Variants in OLA1 observed in about 807,000 individuals in gnomAD.
The protein encoded by OLA1 is Obg like ATPase 1.
A neutral mutation model predicts 48.4 loss-of-function variants in OLA1; 14 were observed. The ratio of observed to expected loss-of-function variants is 0.29; its 90% CI spans 0.19 to 0.45. The LOEUF is 0.45. Ranked by LOEUF, OLA1 falls within the 20% of genes least tolerant of loss-of-function variation. OLA1 has a pLI of 1.00. For missense variants in OLA1, 325 were observed against 467.1 expected (o/e 0.70, Z 2.80); for synonymous variants, 127 against 150.4 (o/e 0.84, Z 1.14).
intron 4 of OLA1, among the ~76,000 whole-genome samples, chr2:174,193,805 T>C (rs1226653608): frequency 6.6e-6 from 1 of 152,148 alleles, no homozygotes; most frequent in Non-Finnish European, 1.5e-5. Flanking sequence ...AGCTGTTAAT[T>C]ATTATTAGAA....
chr2:174,147,035 C>G (rs1686617557), intron 4 of OLA1, among the ~76,000 whole-genome samples: 1 of 152,144 alleles, frequency 6.6e-6, no homozygotes, highest in African/African-American at 2.4e-5. Flanking sequence ...GGTCAACCAA[C>G]TGACACCACA....
chr2:174,169,748 A>T (rs1687251558), intron 4 of OLA1, among the ~76,000 whole-genome samples: 1 of 152,248 alleles, frequency 6.6e-6, no homozygotes, highest in African/African-American at 2.4e-5. Context: ...AAAATGGCAG[A>T]TATCTTAGTA....
chr2:174,075,654 T>C, intron 10 of OLA1, 127 bp from the exon 11 acceptor site: 1 of 619,388 alleles, frequency 1.6e-6, no homozygotes, highest in Non-Finnish European at 2.8e-6. Flanking sequence ...AAATGAAATA[T>C]AGGAAGGCAT....
intron 4 of OLA1, among the ~76,000 whole-genome samples, chr2:174,212,711 C>CT (rs1688270951): frequency 6.6e-6 from 1 of 151,476 alleles, no homozygotes; most frequent in Non-Finnish European, 1.5e-5. Context: ...ATTTTTAAAC[C>CT]TTTTTGTTAA....
rs910323280 is a variant in OLA1, at chr2:174,200,002, T to TA, written c.373+23030dup. Among the ~76,000 whole-genome samples the TA allele has an allele frequency of 9.8e-4, 146 of 149,558 alleles. 1 individual carries two copies. Among genetic ancestry groups the TA allele is most frequent in the African/African-American group, 3.4e-3 (137 of 40,700 alleles). On this transcript the variant is annotated intron_variant, in intron 4 of 10. Transcript: ENST00000284719. Reference sequence around the variant, plus strand: ...ATGCTGGACATTAAAGAAATTTATTTAAAAAAAAAAGCAATCCCTCTTGGT... The same window carrying TA: ...ATGCTGGACATTAAAGAAATTTATTTAAAAAAAAAAAGCAATCCCTCTTGGT...
chr2:174,122,249 A>ATT (rs1216339566), intron 7 of OLA1, among the ~76,000 whole-genome samples: 2 of 152,164 alleles, frequency 1.3e-5, no homozygotes, highest in East Asian at 3.8e-4. Context: ...ATTTCACAGA[A>ATT]TTTATTCTAA....
At chr2:174,193,503 T>C (rs1184848440) in intron 4 of OLA1, among the ~76,000 whole-genome samples, 2 of 152,188 alleles carry the variant, frequency 1.3e-5, no homozygotes, top group Non-Finnish European at 2.9e-5. Context: ...TCCTCTTGTG[T>C]GCAACAGTAG....
At chr2:174,215,546 G>C (rs184873744) in intron 4 of OLA1, among the ~76,000 whole-genome samples, 4 of 151,850 alleles carry the variant, frequency 2.6e-5, no homozygotes, top group Admixed American at 2.6e-4. Flanking sequence ...ATGTAGCCTA[G>C]AAATATGGAA....
At chr2:174,232,861 A>G (rs1400359868) in intron 2 of OLA1, among the ~76,000 whole-genome samples, 2 of 152,226 alleles carry the variant, frequency 1.3e-5, no homozygotes, top group Admixed American at 1.3e-4. Flanking sequence ...TTCTGGGTAT[A>G]TATCCAAAAG....
chr2:174,134,733 C>T (rs1382731873), intron 5 of OLA1, among the ~76,000 whole-genome samples: 2 of 152,106 alleles, frequency 1.3e-5, no homozygotes, highest in African/African-American at 2.4e-5. Flanking sequence ...TATAAATGTA[C>T]TTAATGCTAG....
At chr2:174,144,941 A>ATATAT (rs1188016243) in intron 4 of OLA1, among the ~76,000 whole-genome samples, 39 of 64,278 alleles carry the variant, frequency 6.1e-4, no homozygotes, top group South Asian at 2.6e-3. Context: ...AAAAAAAAAA[A>ATATAT]AAAAAAAAAA....
intron 4 of OLA1, among the ~76,000 whole-genome samples, chr2:174,175,938 A>G (rs1288503519): frequency 2.0e-5 from 3 of 152,074 alleles, no homozygotes; most frequent in African/African-American, 7.2e-5. Flanking sequence ...AAACAGAAAA[A>G]ACTACATACT....
intron 7 of OLA1, among the ~76,000 whole-genome samples, chr2:174,120,466 G>C (rs1685889546): frequency 6.6e-6 from 1 of 152,084 alleles, no homozygotes; most frequent in African/African-American, 2.4e-5. Flanking sequence ...AATAAAAAAT[G>C]GTTTGTGGAT....
At chr2:174,133,413 T>G (rs1428974127) in intron 5 of OLA1, among the ~76,000 whole-genome samples, 1 of 152,150 alleles carries the variant, frequency 6.6e-6, no homozygotes, top group East Asian at 1.9e-4. Flanking sequence ...CAGGCTGGAG[T>G]GCAGTGGCGC....
chr2:174,217,101 T>C (rs1243626780), intron 4 of OLA1, among the ~76,000 whole-genome samples: 3 of 152,210 alleles, frequency 2.0e-5, no homozygotes, highest in African/African-American at 4.8e-5. Context: ...TAACAAATTC[T>C]GTAACTGAAA....
At chr2:174,117,388 A>C (rs894375030) in intron 7 of OLA1, among the ~76,000 whole-genome samples, 1 of 152,210 alleles carries the variant, frequency 6.6e-6, no homozygotes, top group Non-Finnish European at 1.5e-5. Flanking sequence ...TAAAGACCAT[A>C]GCACTTGTAT....
At chr2:174,226,941 T>A (rs1175151582) in intron 3 of OLA1, among the ~76,000 whole-genome samples, 1 of 151,882 alleles carries the variant, frequency 6.6e-6, no homozygotes, top group Admixed American at 6.6e-5. Context: ...AATTTAAAAA[T>A]TAGCCAGGCA....
chr2:174,100,021 G>A (rs1685355147), intron 7 of OLA1, among the ~76,000 whole-genome samples: 1 of 152,098 alleles, frequency 6.6e-6, no homozygotes, highest in South Asian at 2.1e-4. Flanking sequence ...GTGTTGGCTG[G>A]GGTTAAGACA....
At chr2:174,105,801 C>G (rs1458880350) in intron 7 of OLA1, among the ~76,000 whole-genome samples, 1 of 151,952 alleles carries the variant, frequency 6.6e-6, no homozygotes, top group Non-Finnish European at 1.5e-5. Context: ...TTGCAAAGGA[C>G]TGTTTTTAAA....
Sources: allele counts gnomAD v4.1 joint callset (sites outside exome capture counted in the v4.1 genomes callset), GRCh38; gene constraint gnomAD v4.1.1; transcripts MANE v1.5; gene names NCBI Gene and HGNC (gene_info 2026-07-23, HGNC 2026-07-21).